Variants in ERCC6 observed in about 807,000 individuals in gnomAD.
ERCC6 encodes ERCC excision repair 6, chromatin remodeling factor, also known as DNA excision repair protein ERCC-6.
A neutral mutation model predicts 158.7 loss-of-function variants in ERCC6; 116 were observed. The ratio of observed to expected loss-of-function variants is 0.73; its 90% CI spans 0.63 to 0.85. ERCC6 has a LOEUF of 0.85. ERCC6 is among the 40% of genes least tolerant of loss of function. The probability of loss-of-function intolerance (pLI) is 0.00; values close to 1 mark genes in which losing one functional copy is unlikely to be tolerated. For missense variants in ERCC6, 1,698 were observed against 1,799.4 expected (o/e 0.94, Z 1.02); for synonymous variants, 678 against 659.3 (o/e 1.03, Z -0.43).
chr10:49,499,368 A>G (rs1487471015), intron 7 of ERCC6, among the ~76,000 whole-genome samples: 3 of 152,238 alleles, frequency 2.0e-5, no homozygotes, highest in South Asian at 4.1e-4. Flanking sequence ...ATAAAACACT[A>G]AACTCTGGAG....
intron 6 of ERCC6, chr10:49,501,771 C>A (rs1851358534): frequency 6.6e-6 from 1 of 150,654 alleles, no homozygotes; most frequent in African/African-American, 2.4e-5. Flanking sequence ...GCATGGGCAA[C>A]ATAGTAAGAC....
rs1478456612 is a variant in ERCC6, at chr10:49,457,032, A to T, written c.*1783T>A. Reference sequence around the variant, plus strand: ...GCTCAATACAGTTTATGTTTCAGACACTATAAGTATGATACCCAAATGCTT... The same window carrying T: ...GCTCAATACAGTTTATGTTTCAGACTCTATAAGTATGATACCCAAATGCTT... On this transcript the variant is annotated 3_prime_UTR_variant, in exon 21 of 21. Transcript: ENST00000355832. 1 of 152,234 alleles carries T rather than the reference A, an allele frequency of 6.6e-6. No homozygotes were observed. The highest frequency in any genetic ancestry group is 1.5e-5 in the Non-Finnish European group (1 of 68,046). 9.4% of individuals were successfully genotyped at this position (152,234 alleles called of 1,614,324 possible).
intron 6 of ERCC6, chr10:49,501,885 T>C (rs951430137): frequency 2.6e-5 from 4 of 151,968 alleles, no homozygotes; most frequent in Non-Finnish European, 5.9e-5. Context: ...GCTTGAGCCA[T>C]GGAGGTTGAG....
At chr10:49,445,571 A>C in the ERCC6 span, among the ~76,000 whole-genome samples, 41 of 152,352 alleles carry the variant, frequency 2.7e-4, no homozygotes, top group East Asian at 2.9e-3. Flanking sequence ...TCTTTAGACC[A>C]ACATGACAAA....
chr10:49,528,813 T>G (rs1275330696), intron 3 of ERCC6, among the ~76,000 whole-genome samples: 1 of 152,140 alleles, frequency 6.6e-6, no homozygotes, highest in Non-Finnish European at 1.5e-5. Context: ...CTTAAATACA[T>G]GGGCACTGAC....
chr10:49,522,197 TGTTTCTCAAG>T (rs1288887609), intron 5 of ERCC6, among the ~76,000 whole-genome samples: 2 of 152,234 alleles, frequency 1.3e-5, no homozygotes, highest in African/African-American at 2.4e-5. Flanking sequence ...AAGGTCTTTC[TGTTTCTCAAG>T]GGAATAGCAT....
At chr10:49,439,134 T>C in the ERCC6 span, among the ~76,000 whole-genome samples, 1 of 152,216 alleles carries the variant, frequency 6.6e-6, no homozygotes, top group Non-Finnish European at 1.5e-5. Flanking sequence ...GATGCCCCAG[T>C]AGGGACTCTG....
At chr10:49,464,214 G>A (rs1262116719) in intron 18 of ERCC6, among the ~76,000 whole-genome samples, 2 of 152,226 alleles carry the variant, frequency 1.3e-5, no homozygotes, top group Non-Finnish European at 2.9e-5. Context: ...TTGGAGCAAA[G>A]GTGACTCTTG....
At position 49,458,099 on chromosome 10, in the gene ERCC6, T is replaced by G. The variant is rs1319985044; in HGVS notation, c.*716A>C. ...GCTTTAATTTGATTTTTTTTAATGA[T>G]AACACATTTTGTGACTGTAGGAGAG... On this transcript the variant is annotated 3_prime_UTR_variant, in exon 21 of 21. Coordinates refer to ENST00000355832, the MANE Select transcript of ERCC6 (RefSeq NM_000124.4). 6.6e-6 allele frequency: 1 copy of G among 152,242 alleles called. No homozygotes were observed. Among genetic ancestry groups the G allele is most frequent in the Non-Finnish European group, 1.5e-5 (1 of 68,094 alleles). The allele number at this position is 152,242 out of a possible 1,614,324, so 9.4% of individuals were successfully genotyped here.
intron 5 of ERCC6, chr10:49,515,661 C>A: frequency 6.2e-7 from 1 of 1,614,102 alleles, no homozygotes. Context: ...CAAAAGAGGG[C>A]TTGAATACCA....
chr10:49,519,480 C>T lies in ERCC6; in HGVS notation c.1397+4553G>A, dbSNP rs1034950759. Among the ~76,000 whole-genome samples, 12 of 152,204 alleles carry T rather than the reference C, an allele frequency of 7.9e-5. 1 individual carries two copies. The East Asian group carries it at 2.1e-3, about 27-fold the overall frequency. ...ACTCATCAGAAGTGCTGAAAGGTGG[C>T]GAGGGAGCCTTCAAACCATGCAGAG... On this transcript the variant is annotated intron_variant, in intron 5 of 20. Coordinates refer to ENST00000355832, the MANE Select transcript of ERCC6 (RefSeq NM_000124.4).
At chr10:49,471,179 A>G in intron 16 of ERCC6, 59 bp from the exon 17 acceptor site, 1 of 1,558,398 alleles carries the variant, frequency 6.4e-7, no homozygotes, top group Non-Finnish European at 8.8e-7. Flanking sequence ...TAAAAATTCA[A>G]GTTATAAAGC....
intron 6 of ERCC6, chr10:49,504,253 C>T (rs1012012442): frequency 2.0e-5 from 3 of 151,826 alleles, no homozygotes; most frequent in Non-Finnish European, 4.4e-5. Context: ...AGAAAATGAA[C>T]AGAAGTTTTA....
At chr10:49,526,120 TATATATATA>T (rs1837328972) in intron 4 of ERCC6, among the ~76,000 whole-genome samples, 2 of 7,468 alleles carry the variant, frequency 2.7e-4, no homozygotes, top group African/African-American at 9.2e-4. Flanking sequence ...TATATTTTTA[TATATATATA>T]TATATATATA....
At chr10:49,535,650 A>G (rs1837578765) in intron 1 of ERCC6, among the ~76,000 whole-genome samples, 2 of 152,152 alleles carry the variant, frequency 1.3e-5, no homozygotes, top group Non-Finnish European at 2.9e-5. Context: ...ATATTAAGTA[A>G]CCATTTTTCT....
chr10:49,446,577 C>T, the ERCC6 span, among the ~76,000 whole-genome samples: 73 of 152,210 alleles, frequency 4.8e-4, no homozygotes, highest in Middle Eastern at 3.4e-3. Flanking sequence ...GAGTTCAAGA[C>T]TGGCCTGGGT....
intron 1 of ERCC6, among the ~76,000 whole-genome samples, chr10:49,536,308 A>G (rs1837597372): frequency 6.6e-6 from 1 of 152,064 alleles, no homozygotes; most frequent in Non-Finnish European, 1.5e-5. Flanking sequence ...GGGGGTAGGG[A>G]GAGAACTAGG....
At chr10:49,463,740 G>C (rs1256579292) in intron 18 of ERCC6, among the ~76,000 whole-genome samples, 1 of 152,174 alleles carries the variant, frequency 6.6e-6, no homozygotes, top group Non-Finnish European at 1.5e-5. Context: ...TGAGTTTCAT[G>C]AGATCTCATG....
At chr10:49,508,011 C>G (rs943067816) in intron 5 of ERCC6, among the ~76,000 whole-genome samples, 1 of 151,840 alleles carries the variant, frequency 6.6e-6, no homozygotes, top group African/African-American at 2.4e-5. Context: ...GCTACTCACT[C>G]TGAAATTCAG....
Sources: allele counts gnomAD v4.1 joint callset (sites outside exome capture counted in the v4.1 genomes callset), GRCh38; gene constraint gnomAD v4.1.1; transcripts MANE v1.5; gene names NCBI Gene and HGNC (gene_info 2026-07-23, HGNC 2026-07-21).